The following HECW1 variants were observed in gnomAD, a reference collection of about 807,000 sequenced individuals.
HECW1 encodes the protein HECT, C2 and WW domain containing E3 ubiquitin protein ligase 1, also known as E3 ubiquitin-protein ligase HECW1.
HECW1 carries 61 observed loss-of-function variants against 182.3 expected under a neutral mutation model. That is an observed-to-expected ratio of 0.33 (90% CI 0.27 to 0.41). The LOEUF is 0.41. HECW1 is among the 10% of genes least tolerant of loss of function. HECW1 has a pLI of 1.00. For missense variants in HECW1, 1,739 were observed against 2,108.9 expected, an observed-to-expected ratio of 0.82 and a Z score of 3.44; for synonymous variants, 859 against 832.6, an observed-to-expected ratio of 1.03 and a Z score of -0.55.
chr7:43,417,708 TA>T (rs1472955998), intron 8 of HECW1, among the ~76,000 whole-genome samples: 2 of 152,258 alleles, frequency 1.3e-5, no homozygotes, highest in East Asian at 3.9e-4. Context: ...AAAAAAGGTT[TA>T]AAATGCAGTT....
intron 7 of HECW1, among the ~76,000 whole-genome samples, chr7:43,406,415 C>T (rs920803652): frequency 1.3e-5 from 2 of 152,132 alleles, no homozygotes; most frequent in African/African-American, 4.8e-5. Flanking sequence ...AAGGGGATAA[C>T]CTTGGATCAA....
chr7:43,294,529 A>T (rs1335049717), intron 3 of HECW1, among the ~76,000 whole-genome samples: 1 of 152,238 alleles, frequency 6.6e-6, no homozygotes, highest in African/African-American at 2.4e-5. Context: ...CACTGGATGC[A>T]GTCAGAAAAA....
At chr7:43,293,344 C>T (rs1332654747) in intron 3 of HECW1, among the ~76,000 whole-genome samples, 1 of 152,136 alleles carries the variant, frequency 6.6e-6, no homozygotes, top group Non-Finnish European at 1.5e-5. Context: ...TTCAAATACC[C>T]CCTAGAGGTT....
At chr7:43,262,752 A>C (rs915395022) in intron 3 of HECW1, among the ~76,000 whole-genome samples, 2 of 152,208 alleles carry the variant, frequency 1.3e-5, no homozygotes, top group Admixed American at 1.3e-4. Context: ...AGCTACTATA[A>C]ATAGACCGGA....
At chr7:43,273,302 G>A (rs969011909) in intron 3 of HECW1, among the ~76,000 whole-genome samples, 3 of 151,724 alleles carry the variant, frequency 2.0e-5, no homozygotes, top group East Asian at 1.9e-4. Flanking sequence ...AAACCTCCAC[G>A]TGTACCCCTG....
At chr7:43,524,415 C>A (rs2152941574) in intron 24 of HECW1, among the ~76,000 whole-genome samples, 1 of 152,180 alleles carries the variant, frequency 6.6e-6, no homozygotes, top group Middle Eastern at 3.4e-3. Context: ...GTGGGAACGT[C>A]ATGAAGTCTT....
At chr7:43,526,682 C>A (rs989221794) in intron 24 of HECW1, among the ~76,000 whole-genome samples, 8 of 152,210 alleles carry the variant, frequency 5.3e-5, no homozygotes, top group Non-Finnish European at 1.0e-4. Context: ...TAAACCTTCA[C>A]CTTCCTGTAT....
chr7:43,543,758 A>G (rs1454734596), intron 26 of HECW1, among the ~76,000 whole-genome samples: 5 of 151,174 alleles, frequency 3.3e-5, no homozygotes, highest in African/African-American at 1.2e-4. Flanking sequence ...CAGCCTGGGC[A>G]ACAAGAGCAA....
chr7:43,369,256 C>T (rs112558368), intron 6 of HECW1, among the ~76,000 whole-genome samples: 64 of 152,192 alleles, frequency 4.2e-4, no homozygotes, highest in African/African-American at 1.4e-3. Flanking sequence ...GTCAAGAGTT[C>T]GAGACCAGCC....
intron 27 of HECW1, among the ~76,000 whole-genome samples, chr7:43,551,610 C>T (rs552755983): frequency 2.0e-5 from 3 of 152,174 alleles, no homozygotes; most frequent in South Asian, 2.1e-4. Context: ...TTAAGAAAGT[C>T]GAGTCAGATT....
chr7:43,436,436 G>T (rs1056423150), intron 8 of HECW1, among the ~76,000 whole-genome samples: 2 of 152,116 alleles, frequency 1.3e-5, no homozygotes, highest in East Asian at 1.9e-4. Flanking sequence ...TAATCACCTG[G>T]GCGCAGGCAG....
intron 2 of HECW1, among the ~76,000 whole-genome samples, chr7:43,145,648 A>G (rs1272087590): frequency 6.6e-6 from 1 of 152,136 alleles, no homozygotes; most frequent in Non-Finnish European, 1.5e-5. Context: ...GGTCTAGAGA[A>G]TATGTCTCTG....
At chr7:43,272,759 G>A (rs1802567383) in intron 3 of HECW1, among the ~76,000 whole-genome samples, 1 of 152,160 alleles carries the variant, frequency 6.6e-6, no homozygotes, top group African/African-American at 2.4e-5. Context: ...AGAGCAGTTT[G>A]GAGATTTCCA....
chr7:43,129,672 A>G (rs1043235515), intron 2 of HECW1, among the ~76,000 whole-genome samples: 6 of 152,336 alleles, frequency 3.9e-5, no homozygotes, highest in Middle Eastern at 3.4e-3. Flanking sequence ...CTGTAATGCA[A>G]TGACTAGCTG....
intron 17 of HECW1, among the ~76,000 whole-genome samples, chr7:43,488,460 G>GA (rs1338136062): frequency 4.8e-5 from 7 of 146,178 alleles, no homozygotes; most frequent in Non-Finnish European, 9.0e-5. Flanking sequence ...AAGAAAGAAA[G>GA]AAAGAAAGAA....
At chr7:43,310,839 G>A (rs1365187633) in intron 3 of HECW1, among the ~76,000 whole-genome samples, 1 of 152,124 alleles carries the variant, frequency 6.6e-6, no homozygotes, top group Admixed American at 6.5e-5. Flanking sequence ...TTCTCTTCTT[G>A]AAAACTACAT....
At chr7:43,240,450 G>A (rs987138661) in intron 2 of HECW1, among the ~76,000 whole-genome samples, 32 of 152,154 alleles carry the variant, frequency 2.1e-4, no homozygotes, top group African/African-American at 7.2e-4. Flanking sequence ...CTTATCAGAC[G>A]ACAGACCGAA....
At chr7:43,483,236 A>C (rs2152910411) in intron 17 of HECW1, among the ~76,000 whole-genome samples, 1 of 152,324 alleles carries the variant, frequency 6.6e-6, no homozygotes, top group South Asian at 2.1e-4. Flanking sequence ...AACACATTTG[A>C]GAGATGGGGA....
intron 2 of HECW1, among the ~76,000 whole-genome samples, chr7:43,185,459 G>A (rs1319209677): frequency 1.3e-5 from 2 of 152,174 alleles, no homozygotes; most frequent in Non-Finnish European, 2.9e-5. Flanking sequence ...ATCTGAAGTG[G>A]GGCCAATCTT....
Sources: gnomAD v4.1 joint callset for allele counts (sites outside exome capture counted in the v4.1 genomes callset) on GRCh38, gnomAD v4.1.1 for gene constraint, MANE v1.5 for transcripts, NCBI Gene and HGNC (gene_info 2026-07-23, HGNC 2026-07-21) for gene names.